ATAD2B: variants seen among roughly 807,000 people sequenced by gnomAD.
ATAD2B encodes ATPase family AAA domain-containing protein 2B.
ATAD2B carries 40 observed loss-of-function variants against 167.6 expected under a neutral mutation model. The observed-to-expected ratio is 0.24, with a 90% confidence interval of 0.19 to 0.31. ATAD2B has a LOEUF of 0.31. Ranked by LOEUF, ATAD2B falls within the 10% of genes least tolerant of loss-of-function variation. The pLI, the probability that ATAD2B is intolerant of heterozygous loss-of-function variation, is 1.00. For missense variants in ATAD2B, 1,242 were observed against 1,757.2 expected (o/e 0.71, Z 5.24); for synonymous variants, 579 against 596.5 (o/e 0.97, Z 0.43).
At chr2:23,691,604 C>G in the ATAD2B span, 2 of 1,345,448 alleles carry the variant, frequency 1.5e-6, no homozygotes, top group African/African-American at 2.9e-5. Context: ...GCAGGGAGAT[C>G]TAGCCCTGTG....
chr2:23,847,592 G>A (rs958982326), intron 13 of ATAD2B, among the ~76,000 whole-genome samples: 5 of 151,952 alleles, frequency 3.3e-5, no homozygotes, highest in African/African-American at 4.8e-5. Flanking sequence ...AGTCGAGGCT[G>A]CAGGGAGCCA....
Position 23,887,554 on chromosome 2 carries a change from G to C in ATAD2B, c.572+278C>G, listed in dbSNP as rs572146355. On this transcript the variant is annotated intron_variant, in intron 4 of 27. Coordinates refer to ENST00000238789, the MANE Select transcript of ATAD2B (RefSeq NM_017552.4). ...CTCTCCAGGCTATTGTAAAGATTAAGTAGGATGACATATTATCTGAGAAGA... is the reference window on the plus strand; with the variant it reads ...CTCTCCAGGCTATTGTAAAGATTAACTAGGATGACATATTATCTGAGAAGA... Among the ~76,000 whole-genome samples the C allele has an allele frequency of 7.8e-4, 119 of 152,268 alleles. 1 individual carries two copies. The highest frequency in any genetic ancestry group is 2.8e-3 in the African/African-American group (118 of 41,548).
chr2:23,880,804 A>G (rs758187832), intron 6 of ATAD2B, 49 bp from the exon 7 acceptor site: 2 of 1,122,108 alleles, frequency 1.8e-6, no homozygotes, highest in Non-Finnish European at 2.6e-6. Context: ...ATTTTAATTC[A>G]AAAGGATTGG....
chr2:23,730,733 G>A, the ATAD2B span, among the ~76,000 whole-genome samples: 2 of 142,978 alleles, frequency 1.4e-5, no homozygotes, highest in African/African-American at 5.1e-5. Flanking sequence ...AACACAACAT[G>A]TCAAAATGTA....
the ATAD2B span, among the ~76,000 whole-genome samples, chr2:23,724,127 G>C: frequency 6.6e-6 from 1 of 152,186 alleles, no homozygotes; most frequent in East Asian, 1.9e-4. Flanking sequence ...GGGAAGGGTA[G>C]AGGGAAGGGA....
At chr2:23,692,916 G>A in the ATAD2B span, among the ~76,000 whole-genome samples, 1 of 152,204 alleles carries the variant, frequency 6.6e-6, no homozygotes, top group Non-Finnish European at 1.5e-5. Context: ...GTAAGCCTCA[G>A]TGCCACCCTC....
intron 17 of ATAD2B, among the ~76,000 whole-genome samples, chr2:23,816,194 G>A (rs1686421783): frequency 6.6e-6 from 1 of 152,168 alleles, no homozygotes; most frequent in Admixed American, 6.5e-5. Flanking sequence ...TCATACATTA[G>A]TATGAGAAAT....
the ATAD2B span, among the ~76,000 whole-genome samples, chr2:23,709,394 T>A: frequency 6.6e-6 from 1 of 152,202 alleles, no homozygotes; most frequent in Non-Finnish European, 1.5e-5. Context: ...CACTGCCTTC[T>A]TCAGTCATGG....
At chr2:23,704,728 C>T in the ATAD2B span, among the ~76,000 whole-genome samples, 7 of 152,280 alleles carry the variant, frequency 4.6e-5, no homozygotes, top group Admixed American at 2.6e-4. Flanking sequence ...GATCGCGCCA[C>T]GGCACTCCAG....
chr2:23,742,602 A>G, the ATAD2B span, among the ~76,000 whole-genome samples: 1 of 151,484 alleles, frequency 6.6e-6, no homozygotes, highest in African/African-American at 2.4e-5. Flanking sequence ...ATACCTAATG[A>G]TAAATGACGA....
At chr2:23,841,378 T>C (rs1339564614) in intron 13 of ATAD2B, among the ~76,000 whole-genome samples, 4 of 152,248 alleles carry the variant, frequency 2.6e-5, no homozygotes, top group Admixed American at 2.0e-4. Flanking sequence ...ATTTACGTGA[T>C]ATAATTTTAC....
chr2:23,865,000 T>C, intron 10 of ATAD2B, 76 bp from the exon 11 acceptor site: 1 of 833,862 alleles, frequency 1.2e-6, no homozygotes, highest in East Asian at 3.1e-5. Flanking sequence ...TATAAAAGAG[T>C]CTTACGATTC....
At position 23,787,416 on chromosome 2, in the gene ATAD2B, T is replaced by A. The variant is rs1346155690; in HGVS notation, c.2776+1096A>T. 2.0e-5 allele frequency among the ~76,000 whole-genome samples: 3 copies of A among 152,146 alleles called. No homozygotes were observed. The South Asian group carries it at 6.2e-4, about 32-fold the overall frequency. Reference sequence around the variant, plus strand: ...TAGAAGCATGAAAGATTGAAATAAATCATTTTCATAATGAAATATTTAGAT... The same window carrying A: ...TAGAAGCATGAAAGATTGAAATAAAACATTTTCATAATGAAATATTTAGAT... On this transcript the variant is annotated intron_variant, in intron 20 of 27. Transcript: ENST00000238789.
rs116791512 is a variant in ATAD2B at position 23,757,828 on chromosome 2, T to C, written c.3668A>G (p.Asn1223Ser). The change falls in exon 25 of 28, where the codon AAT becomes AGT. Residue 1223 changes from asparagine to serine, a missense_variant. Around this residue, in one of 9 missense-constraint regions of ATAD2B, gnomAD observed 282 missense variants for 346.8 expected, o/e 0.81. Coordinates refer to ENST00000238789, the MANE Select transcript of ATAD2B (RefSeq NM_017552.4). ...MDLDQGQRLNNGAGTKENFAS... is the reference protein window; with the variant it reads ...MDLDQGQRLNSGAGTKENFAS... ...AAAGTTCTCTTTTGTGCCTGCTCCA[T>C]TGTTAAGCCTCTGCCCCTGGTCCAA... is the stretch of plus-strand genomic sequence containing the variant. 9.5e-3 allele frequency: 14,942 copies of C among 1,572,424 alleles called. 83 individuals are homozygous for C. Among genetic ancestry groups the C allele is most frequent in the Non-Finnish European group, 0.011 (13,013 of 1,165,252 alleles).
intron 22 of ATAD2B, among the ~76,000 whole-genome samples, chr2:23,776,256 A>G (rs1017417599): frequency 4.6e-5 from 7 of 152,162 alleles, no homozygotes; most frequent in African/African-American, 1.4e-4. Context: ...GATTCCTCTA[A>G]CCAGACCAAA....
chr2:23,694,963 G>A, the ATAD2B span, among the ~76,000 whole-genome samples: 1 of 152,284 alleles, frequency 6.6e-6, no homozygotes, highest in Non-Finnish European at 1.5e-5. Context: ...CCCCAGTGAT[G>A]AGCGTCATGC....
At chr2:23,684,512 T>G in the ATAD2B span, 1 of 1,549,904 alleles carries the variant, frequency 6.5e-7, no homozygotes, top group South Asian at 1.2e-5. The surrounding 1 kb of genome is among the most constrained non-coding windows in gnomAD (Gnocchi z 4.4). Flanking sequence ...TTCCTGCAGC[T>G]TGTATTTCAA....
chr2:23,781,732 G>A (rs1447363768), intron 22 of ATAD2B, among the ~76,000 whole-genome samples: 1 of 146,990 alleles, frequency 6.8e-6, no homozygotes, highest in Non-Finnish European at 1.5e-5. Flanking sequence ...AATGACTGCT[G>A]TTTCTTTTTT....
intron 13 of ATAD2B, among the ~76,000 whole-genome samples, chr2:23,835,643 T>C (rs1689808493): frequency 6.6e-6 from 1 of 152,040 alleles, no homozygotes; most frequent in Admixed American, 6.6e-5. Flanking sequence ...GCAGTTTAAA[T>C]AAGTGAACTG....
Sources: allele counts gnomAD v4.1 joint callset (sites outside exome capture counted in the v4.1 genomes callset), GRCh38; gene constraint gnomAD v4.1.1; regional missense constraint gnomAD v4.1.1; non-coding constraint Gnocchi (gnomAD v3.1); transcripts MANE v1.5; gene names NCBI Gene and HGNC (gene_info 2026-07-23, HGNC 2026-07-21).